Variants in ASIC2 observed in about 807,000 individuals in gnomAD.
The protein encoded by ASIC2 is acid sensing ion channel subunit 2, also known as acid-sensing ion channel 2.
In ASIC2, 25 loss-of-function variants were observed where a neutral mutation model predicts 57.3. The observed-to-expected ratio is 0.44, with a 90% CI of 0.32 to 0.61. The LOEUF (loss-of-function observed/expected upper bound fraction) is 0.61. Ranked by LOEUF, ASIC2 falls within the 20% of genes least tolerant of loss-of-function variation. The probability of loss-of-function intolerance (pLI) is 0.06; values close to 1 mark genes in which losing one functional copy is unlikely to be tolerated. For missense variants in ASIC2, 641 were observed against 738.1 expected (o/e 0.87, Z 1.52); for synonymous variants, 319 against 307.5 (o/e 1.04, Z -0.39).
At chr17:33,181,558 C>T (rs1905984902) in intron 1 of ASIC2, among the ~76,000 whole-genome samples, 1 of 152,148 alleles carries the variant, frequency 6.6e-6, no homozygotes, top group South Asian at 2.1e-4. Flanking sequence ...CCCTGACATT[C>T]TTTGGCTTGT....
intron 1 of ASIC2, among the ~76,000 whole-genome samples, chr17:33,829,579 C>CT (rs34205959): frequency 2.5e-3 from 352 of 138,904 alleles, no homozygotes; most frequent in African/African-American, 4.5e-3. Flanking sequence ...TTAAACTTTT[C>CT]TTTTTTTTTT....
chr17:33,473,861 C>G (rs561832769), intron 1 of ASIC2, among the ~76,000 whole-genome samples: 2 of 151,886 alleles, frequency 1.3e-5, no homozygotes, highest in African/African-American at 2.4e-5. Flanking sequence ...GTCCACCCCC[C>G]ATCACGTACC....
intron 1 of ASIC2, among the ~76,000 whole-genome samples, chr17:33,985,370 C>T (rs1905781407): frequency 6.6e-6 from 1 of 152,158 alleles, no homozygotes; most frequent in Non-Finnish European, 1.5e-5. Context: ...GTAACTTTAG[C>T]GTGCATAGAA....
At chr17:33,328,301 C>A (rs1907160112) in intron 1 of ASIC2, among the ~76,000 whole-genome samples, 1 of 152,122 alleles carries the variant, frequency 6.6e-6, no homozygotes, top group South Asian at 2.1e-4. Context: ...GTTCAGCCAA[C>A]CGGGGAGAAT....
intron 1 of ASIC2, among the ~76,000 whole-genome samples, chr17:33,857,656 G>A (rs1268781406): frequency 3.9e-5 from 6 of 152,162 alleles, no homozygotes; most frequent in Admixed American, 1.3e-4. Context: ...TGAACTGTTC[G>A]AGGCGCTGAG....
At chr17:33,395,205 C>T (rs2141955067) in intron 1 of ASIC2, among the ~76,000 whole-genome samples, 1 of 151,986 alleles carries the variant, frequency 6.6e-6, no homozygotes, top group South Asian at 2.1e-4. Context: ...TCCATTCATC[C>T]ATCCATCCGT....
At chr17:33,238,085 C>T (rs577455789) in intron 1 of ASIC2, among the ~76,000 whole-genome samples, 158 of 152,280 alleles carry the variant, frequency 1.0e-3, no homozygotes, top group Non-Finnish European at 5.7e-4. Context: ...GTAATAAAGG[C>T]GGCTGTTGTT....
At chr17:33,399,236 A>T (rs954714389) in intron 1 of ASIC2, among the ~76,000 whole-genome samples, 7 of 152,116 alleles carry the variant, frequency 4.6e-5, no homozygotes, top group Admixed American at 4.6e-4. Flanking sequence ...GGCTCTACTT[A>T]TAAATCCAAC....
At chr17:33,256,012 G>GA (rs923100724) in intron 1 of ASIC2, among the ~76,000 whole-genome samples, 8 of 151,648 alleles carry the variant, frequency 5.3e-5, no homozygotes, top group South Asian at 2.1e-4. Flanking sequence ...TTCACACTAG[G>GA]AAAAAAAACG....
At chr17:33,639,072 G>A (rs1184399462) in intron 1 of ASIC2, among the ~76,000 whole-genome samples, 7 of 151,688 alleles carry the variant, frequency 4.6e-5, no homozygotes, top group Non-Finnish European at 8.8e-5. Context: ...GTGATATAAA[G>A]GTGAAGAGGA....
intron 1 of ASIC2, among the ~76,000 whole-genome samples, chr17:33,283,233 T>A (rs966534477): frequency 6.6e-6 from 1 of 152,198 alleles, no homozygotes; most frequent in African/African-American, 2.4e-5. Flanking sequence ...CTTTTATAGA[T>A]CCAATGAATC....
chr17:33,144,267 C>T (rs2142021462), intron 1 of ASIC2, among the ~76,000 whole-genome samples: 1 of 152,214 alleles, frequency 6.6e-6, no homozygotes, highest in African/African-American at 2.4e-5. Flanking sequence ...ATGGCTGGCC[C>T]TGTCTTGTCC....
At chr17:33,989,631 C>T (rs531198727) in intron 1 of ASIC2, among the ~76,000 whole-genome samples, 110 of 152,052 alleles carry the variant, frequency 7.2e-4, no homozygotes, top group Non-Finnish European at 1.2e-3. Context: ...ATCAAAAGAC[C>T]TACTTTTGAG....
intron 1 of ASIC2, among the ~76,000 whole-genome samples, chr17:33,123,095 A>G (rs2092309474): frequency 6.6e-6 from 1 of 152,222 alleles, no homozygotes; most frequent in Non-Finnish European, 1.5e-5. Context: ...GTCCTCAAAA[A>G]ACCAAAAATA....
chr17:33,704,384 A>C (rs377258013), intron 1 of ASIC2, among the ~76,000 whole-genome samples: 1 of 151,878 alleles, frequency 6.6e-6, no homozygotes, highest in East Asian at 1.9e-4. Flanking sequence ...ACCTCTTTCC[A>C]CCTCCTTATG....
chr17:33,210,182 T>C (rs1165109349), intron 1 of ASIC2, among the ~76,000 whole-genome samples: 1 of 152,168 alleles, frequency 6.6e-6, no homozygotes, highest in Non-Finnish European at 1.5e-5. Context: ...CCAGTACCCA[T>C]TAGGCAACAT....
At chr17:33,817,447 C>T (rs928247306) in intron 1 of ASIC2, among the ~76,000 whole-genome samples, 3 of 152,160 alleles carry the variant, frequency 2.0e-5, no homozygotes, top group African/African-American at 7.2e-5. Flanking sequence ...GCTCACAGAC[C>T]TAACTGGTGC....
intron 1 of ASIC2, among the ~76,000 whole-genome samples, chr17:33,876,266 T>A (rs942609147): frequency 3.3e-5 from 5 of 152,182 alleles, no homozygotes; most frequent in Non-Finnish European, 5.9e-5. Flanking sequence ...TGAGAAGTTA[T>A]GCGAAGAGAA....
At chr17:34,052,490 T>C (rs886159838) in intron 1 of ASIC2, among the ~76,000 whole-genome samples, 2 of 152,214 alleles carry the variant, frequency 1.3e-5, no homozygotes, top group African/African-American at 4.8e-5. Flanking sequence ...GTAGAACATG[T>C]GACTGGACTG....
Sources: allele counts gnomAD v4.1 joint callset (sites outside exome capture counted in the v4.1 genomes callset), GRCh38; gene constraint gnomAD v4.1.1; transcripts MANE v1.5; gene names NCBI Gene and HGNC (gene_info 2026-07-23, HGNC 2026-07-21).